EFNA5: variants seen among roughly 807,000 people sequenced by gnomAD.
EFNA5 encodes the protein ephrin A5.
A neutral mutation model predicts 22.9 loss-of-function variants in EFNA5; 5 were observed. That is an observed-to-expected ratio of 0.22 (90% CI 0.11 to 0.46). The LOEUF is 0.46. EFNA5 is among the 20% of genes least tolerant of loss of function. EFNA5 has a pLI of 0.99. For synonymous variants in EFNA5, 113 were observed against 112.2 expected (o/e 1.01, Z -0.04); for missense variants, 237 against 293.3 (o/e 0.81, Z 1.40).
chr5:107,424,239 C>T (rs2112417623), intron 2 of EFNA5, among the ~76,000 whole-genome samples: 1 of 126,190 alleles, frequency 7.9e-6, no homozygotes, highest in East Asian at 2.6e-4. Flanking sequence ...CGGAGTCTCA[C>T]TCTGTCACCC....
At position 107,670,587 on chromosome 5, in the gene EFNA5, C is replaced by T; in HGVS notation, c.27G>A (p.Leu9=). 2 of 1,603,816 alleles carry T rather than the reference C, an allele frequency of 1.2e-6. No homozygotes were observed. Among genetic ancestry groups the T allele is most frequent in the Admixed American group, 1.7e-5 (1 of 59,460 alleles). Residue 9 remains leucine, a synonymous_variant, in exon 1 of 5, where the codon CTG becomes CTA. Coordinates refer to ENST00000333274, the MANE Select transcript of EFNA5 (RefSeq NM_001962.3). ...CACACATCCAGAGCACCAGAAACAC[C>T]AGCGTCAACATCTCCACGTGCAACA... The part of the protein sequence containing the change: MLHVEMLT[L]VFLVLWMCVF...
chr5:107,405,250 C>T (rs1007478982), intron 2 of EFNA5, among the ~76,000 whole-genome samples: 3 of 152,162 alleles, frequency 2.0e-5, no homozygotes, highest in Non-Finnish European at 1.5e-5. Flanking sequence ...CAGCCCTGGC[C>T]GGAAAGAGAA....
intron 1 of EFNA5, among the ~76,000 whole-genome samples, chr5:107,461,328 C>A (rs900374470): frequency 6.6e-6 from 1 of 152,142 alleles, no homozygotes; most frequent in African/African-American, 2.4e-5. Flanking sequence ...AGAGACAGAA[C>A]TTGCCTAACA....
intron 1 of EFNA5, among the ~76,000 whole-genome samples, chr5:107,484,772 C>G (rs1746547810): frequency 1.3e-5 from 2 of 150,940 alleles, no homozygotes; most frequent in Non-Finnish European, 2.9e-5. Context: ...AGATGAGGAG[C>G]TGTTAACTGT....
chr5:107,490,048 A>G (rs1746759493), intron 1 of EFNA5, among the ~76,000 whole-genome samples: 1 of 152,208 alleles, frequency 6.6e-6, no homozygotes, highest in Non-Finnish European at 1.5e-5. Context: ...ATGCAGGGAC[A>G]AGATTCCATC....
At chr5:107,542,154 G>C (rs1748062305) in intron 1 of EFNA5, among the ~76,000 whole-genome samples, 1 of 152,060 alleles carries the variant, frequency 6.6e-6, no homozygotes, top group Non-Finnish European at 1.5e-5. Flanking sequence ...CACTTTCAGG[G>C]GGAAAATAAT....
intron 1 of EFNA5, among the ~76,000 whole-genome samples, chr5:107,589,152 G>A (rs1038599374): frequency 6.6e-6 from 1 of 152,218 alleles, no homozygotes; most frequent in African/African-American, 2.4e-5. Context: ...AAATTATGGA[G>A]ATGGACATGG....
intron 1 of EFNA5, among the ~76,000 whole-genome samples, chr5:107,482,996 C>T (rs1229884858): frequency 6.6e-6 from 1 of 151,754 alleles, no homozygotes; most frequent in Non-Finnish European, 1.5e-5. Context: ...CGCACTGGTG[C>T]CAATGTTTCA....
At chr5:107,384,806 G>T (rs940543937) in intron 4 of EFNA5, among the ~76,000 whole-genome samples, 2 of 128,996 alleles carry the variant, frequency 1.6e-5, no homozygotes, top group Non-Finnish European at 3.2e-5. Flanking sequence ...TAAAGACAAG[G>T]TTTCACAGTG....
At chr5:107,581,746 G>C (rs12522954) in intron 1 of EFNA5, among the ~76,000 whole-genome samples, 242 of 152,294 alleles carry the variant, frequency 1.6e-3, no homozygotes, top group African/African-American at 5.6e-3. Context: ...ACAGGGAGTA[G>C]AATCTAGGTC....
chr5:107,627,117 A>C (rs1434973671), intron 1 of EFNA5, among the ~76,000 whole-genome samples: 2 of 152,186 alleles, frequency 1.3e-5, no homozygotes, highest in Non-Finnish European at 2.9e-5. Flanking sequence ...TATTTGAGTG[A>C]TTTATTTCCA....
intron 2 of EFNA5, among the ~76,000 whole-genome samples, chr5:107,421,142 A>T (rs771416764): frequency 1.3e-5 from 2 of 152,190 alleles, no homozygotes; most frequent in Non-Finnish European, 2.9e-5. Context: ...TTTGTTTTAA[A>T]AATTGTACAG....
chr5:107,535,167 G>A (rs941091202), intron 1 of EFNA5, among the ~76,000 whole-genome samples: 5 of 152,190 alleles, frequency 3.3e-5, no homozygotes, highest in African/African-American at 7.2e-5. Context: ...ATTCAACAGC[G>A]GTGGGTACCT....
intron 2 of EFNA5, among the ~76,000 whole-genome samples, chr5:107,422,210 G>C (rs1037847540): frequency 1.3e-5 from 2 of 152,150 alleles, no homozygotes; most frequent in African/African-American, 2.4e-5. Flanking sequence ...TGTAAATAGG[G>C]AAAAAGAATA....
chr5:107,629,626 T>C (rs997223570), intron 1 of EFNA5, among the ~76,000 whole-genome samples: 9 of 152,252 alleles, frequency 5.9e-5, no homozygotes, highest in Non-Finnish European at 1.2e-4. Flanking sequence ...GGGAAATCTC[T>C]GTACCTTCTG....
intron 2 of EFNA5, among the ~76,000 whole-genome samples, chr5:107,421,717 A>G (rs1334478935): frequency 2.0e-5 from 3 of 152,116 alleles, no homozygotes; most frequent in African/African-American, 7.2e-5. Flanking sequence ...ATTTGTTTCT[A>G]ATCTGTTTTT....
At chr5:107,471,450 A>C (rs1317813780) in intron 1 of EFNA5, among the ~76,000 whole-genome samples, 1 of 152,152 alleles carries the variant, frequency 6.6e-6, no homozygotes, top group East Asian at 1.9e-4. Context: ...GCAGTTACAG[A>C]GATTATTTTT....
chr5:107,445,034 T>G (rs1233232596), intron 1 of EFNA5, among the ~76,000 whole-genome samples: 1 of 151,932 alleles, frequency 6.6e-6, no homozygotes, highest in Non-Finnish European at 1.5e-5. Flanking sequence ...TTAAAAAAAG[T>G]TTTTTGGAGA....
At chr5:107,382,033 T>A (rs1747479850) in intron 4 of EFNA5, among the ~76,000 whole-genome samples, 1 of 152,250 alleles carries the variant, frequency 6.6e-6, no homozygotes, top group Non-Finnish European at 1.5e-5. Context: ...ATTTCTAAGA[T>A]TAAATTACTT....
Sources: allele counts gnomAD v4.1 joint callset (sites outside exome capture counted in the v4.1 genomes callset), GRCh38; gene constraint gnomAD v4.1.1; transcripts MANE v1.5; gene names NCBI Gene and HGNC (gene_info 2026-07-23, HGNC 2026-07-21).